Variants in CASD1 observed in about 807,000 individuals in gnomAD.
CASD1 encodes the protein CAS1 domain sialic acid O acetyltransferase 1.
CASD1 carries 41 observed loss-of-function variants against 100.0 expected under a neutral mutation model. That is an observed-to-expected ratio of 0.41 (90% CI 0.32 to 0.53). CASD1 has a LOEUF of 0.53. Among genes scored for constraint, CASD1 ranks in the 20% least tolerant of loss-of-function variants. The probability of loss-of-function intolerance (pLI) is 0.25; values close to 1 mark genes in which losing one functional copy is unlikely to be tolerated. For synonymous variants in CASD1, 321 were observed against 315.6 expected, an observed-to-expected ratio of 1.02 and a Z score of -0.18; for missense variants, 774 against 948.7, an observed-to-expected ratio of 0.82 and a Z score of 2.42.
chr7:94,583,874 C>G, the CASD1 span, among the ~76,000 whole-genome samples: 20 of 151,930 alleles, frequency 1.3e-4, no homozygotes, highest in Non-Finnish European at 2.9e-4. Flanking sequence ...CAAAACAAAA[C>G]AAAAAAACCC....
At chr7:94,628,743 G>A in the CASD1 span, 6 of 175,858 alleles carry the variant, frequency 3.4e-5, no homozygotes, top group Non-Finnish European at 7.3e-5. Context: ...TATCATATGA[G>A]TATGAAAGAT....
At chr7:94,625,013 G>A in the CASD1 span, 1 of 151,934 alleles carries the variant, frequency 6.6e-6, no homozygotes, top group Non-Finnish European at 1.5e-5. Context: ...CACTTCCAAT[G>A]AGACATTTAA....
rs1303612475 is a variant in CASD1 at position 94,518,239 on chromosome 7, A to G, written c.267A>G (p.Ala89=). The change falls in exon 3 of 18, where the codon GCA becomes GCG. Residue 89 remains alanine, a synonymous_variant. Coordinates refer to ENST00000297273, the MANE Select transcript of CASD1 (RefSeq NM_022900.5). ...AKNCLVDKHI[A]FIGDSRIRQL... ...ACTGCCTTGTAGATAAACATATTGC[A>G]TTTATTGGAGATTCCAGAATTCGTC... 5 of 1,573,974 alleles carry G rather than the reference A, an allele frequency of 3.2e-6. No individual in the cohort carries two copies. Among genetic ancestry groups the G allele is most frequent in the Non-Finnish European group, 3.4e-6 (4 of 1,165,244 alleles).
At chr7:94,576,651 A>T in the CASD1 span, among the ~76,000 whole-genome samples, 10 of 152,284 alleles carry the variant, frequency 6.6e-5, no homozygotes, top group South Asian at 8.3e-4. Flanking sequence ...TCTTGATACC[A>T]AGGCTTCGGT....
At chr7:94,578,753 A>C in the CASD1 span, among the ~76,000 whole-genome samples, 1 of 152,154 alleles carries the variant, frequency 6.6e-6, no homozygotes. Context: ...AAAAATGTAA[A>C]GTTGCTAGAA....
At chr7:94,539,122 GC>G (rs1007470877) in intron 10 of CASD1, 66 bp downstream of exon 10, 7 of 894,528 alleles carry the variant, frequency 7.8e-6, no homozygotes, top group Non-Finnish European at 1.2e-5. Context: ...TTCTTTAAGG[GC>G]ACCAGCTTTT....
chr7:94,528,284 T>A (rs1210367821), intron 5 of CASD1, 34 bp downstream of exon 5: 54 of 1,413,748 alleles, frequency 3.8e-5, no homozygotes, highest in African/African-American at 5.8e-5. Context: ...TTTTTTTTTT[T>A]TTATTTTTAT....
chr7:94,588,130 C>T, the CASD1 span: 1 of 1,147,410 alleles, frequency 8.7e-7, no homozygotes, highest in East Asian at 5.0e-5. Flanking sequence ...TTTTTAGGGA[C>T]ACTTGAAAGA....
chr7:94,515,570 T>A (rs1669679911), intron 1 of CASD1, among the ~76,000 whole-genome samples: 1 of 152,150 alleles, frequency 6.6e-6, no homozygotes, highest in Non-Finnish European at 1.5e-5. Flanking sequence ...CGACTGGTTA[T>A]TTTGAGATAC....
chr7:94,628,212 G>T, the CASD1 span: 1 of 1,610,418 alleles, frequency 6.2e-7, no homozygotes, highest in Non-Finnish European at 8.5e-7. Flanking sequence ...CTCAATGATT[G>T]TTGGCTTCCC....
At chr7:94,581,316 A>G in the CASD1 span, among the ~76,000 whole-genome samples, 4 of 152,242 alleles carry the variant, frequency 2.6e-5, no homozygotes, top group Non-Finnish European at 4.4e-5. Context: ...GTTGTCAGGC[A>G]AACTTCCATT....
chr7:94,537,822 A>G lies in CASD1; in HGVS notation c.1194A>G (p.Thr398=), dbSNP rs753715026. 1.3e-6 allele frequency: 2 copies of G among 1,593,304 alleles called. No individual in the cohort carries two copies. Among genetic ancestry groups the G allele is most frequent in the Non-Finnish European group, 1.7e-6 (2 of 1,161,384 alleles). The part of the protein sequence containing the change: ...NLFMKENKFY[T]HSSFFIPIIY... ...TCATGAAGGAAAACAAATTTTATAC[A>G]CATTCATCTTTCTTTATTCCAATTA... Residue 398 remains threonine (T), a synonymous_variant, in exon 9 of 18, where the codon ACA becomes ACG. Transcript: ENST00000297273.
intron 1 of CASD1, among the ~76,000 whole-genome samples, chr7:94,516,070 T>C (rs1226444305): frequency 6.6e-6 from 1 of 152,078 alleles, no homozygotes; most frequent in Non-Finnish European, 1.5e-5. Flanking sequence ...AGAACTAGAA[T>C]TAGTTTTTAA....
the CASD1 span, among the ~76,000 whole-genome samples, chr7:94,611,721 A>G: frequency 6.6e-6 from 1 of 152,216 alleles, no homozygotes; most frequent in African/African-American, 2.4e-5. Context: ...CAAAAGTTCA[A>G]AGCTATGTAA....
chr7:94,562,064 T>A, the CASD1 span, among the ~76,000 whole-genome samples: 1 of 152,166 alleles, frequency 6.6e-6, no homozygotes, highest in Non-Finnish European at 1.5e-5. Flanking sequence ...CACAATGGGC[T>A]CTTTTTGTGG....
At chr7:94,524,641 A>G (rs1794464038) in intron 3 of CASD1, among the ~76,000 whole-genome samples, 1 of 152,128 alleles carries the variant, frequency 6.6e-6, no homozygotes, top group Admixed American at 6.5e-5. Context: ...CAATTAGGGA[A>G]ATTCTTACTC....
chr7:94,550,950 C>G (rs1483889226), intron 14 of CASD1, among the ~76,000 whole-genome samples: 1 of 151,850 alleles, frequency 6.6e-6, no homozygotes, highest in Non-Finnish European at 1.5e-5. Flanking sequence ...TGGTGTTATT[C>G]TTTGTTTTAT....
downstream of CASD1, among the ~76,000 whole-genome samples, chr7:94,558,263 C>T (rs778179750): frequency 1.3e-5 from 2 of 152,104 alleles, no homozygotes; most frequent in Non-Finnish European, 2.9e-5. Flanking sequence ...TATACTAAAA[C>T]CTTAAAACGG....
chr7:94,632,808 C>G, the CASD1 span, among the ~76,000 whole-genome samples: 1 of 152,072 alleles, frequency 6.6e-6, no homozygotes, highest in East Asian at 1.9e-4. Context: ...TCAAAAACAA[C>G]AAATGACACA....
Sources: gnomAD v4.1 joint callset for allele counts (sites outside exome capture counted in the v4.1 genomes callset) on GRCh38, gnomAD v4.1.1 for gene constraint, MANE v1.5 for transcripts, NCBI Gene and HGNC (gene_info 2026-07-23, HGNC 2026-07-21) for gene names.